PRDM11: variants seen among roughly 807,000 people sequenced by gnomAD.
PRDM11 encodes the protein PR domain-containing protein 11.
A neutral mutation model predicts 97.8 loss-of-function variants in PRDM11; 20 were observed. The observed-to-expected ratio is 0.20, with a 90% CI of 0.14 to 0.30. The LOEUF is 0.30. PRDM11 is among the 10% of genes least tolerant of loss of function. PRDM11 has a pLI of 1.00. For missense variants in PRDM11, 1,139 were observed against 1,555.2 expected, an observed-to-expected ratio of 0.73 and a Z score of 4.50; for synonymous variants, 599 against 637.7, an observed-to-expected ratio of 0.94 and a Z score of 0.91.
intron 1 of PRDM11, among the ~76,000 whole-genome samples, chr11:45,140,019 G>T (rs1019850022): frequency 1.3e-5 from 2 of 152,004 alleles, no homozygotes; most frequent in Non-Finnish European, 2.9e-5. Flanking sequence ...TGCCAAGTAG[G>T]GTCCCTCAGA....
Position 45,207,845 on chromosome 11 carries a change from G to A in PRDM11, c.554+3067G>A, listed in dbSNP as rs144952149. 3.4e-3 allele frequency among the ~76,000 whole-genome samples: 519 copies of A among 152,254 alleles called. 7 individuals are homozygous for A. Among genetic ancestry groups the A allele is most frequent in the African/African-American group, 0.012 (495 of 41,550 alleles). Reference sequence around the variant, plus strand: ...AGGGCTGAAGGATGTTGGTGCCGCCGGCCTTCCCCTCTTGGTTTCAGAAGG... The same window carrying A: ...AGGGCTGAAGGATGTTGGTGCCGCCAGCCTTCCCCTCTTGGTTTCAGAAGG... On this transcript the variant is annotated intron_variant, in intron 5 of 7. Coordinates refer to ENST00000683152, the MANE Select transcript of PRDM11 (RefSeq NM_001384648.1).
chr11:45,101,374 G>A (rs1851972147), intron 1 of PRDM11, among the ~76,000 whole-genome samples: 1 of 152,084 alleles, frequency 6.6e-6, no homozygotes, highest in Admixed American at 6.5e-5. Context: ...TGGCCAACAT[G>A]GTGAAACCCT....
intron 1 of PRDM11, among the ~76,000 whole-genome samples, chr11:45,133,754 TAC>T (rs1852771195): frequency 6.6e-6 from 1 of 152,122 alleles, no homozygotes; most frequent in East Asian, 1.9e-4. Flanking sequence ...AGGCTAGACA[TAC>T]AGTTAGGGAG....
intron 1 of PRDM11, among the ~76,000 whole-genome samples, chr11:45,174,403 G>C (rs1184117431): frequency 1.3e-5 from 2 of 152,160 alleles, no homozygotes; most frequent in Non-Finnish European, 2.9e-5. Context: ...AAAGAACTAG[G>C]AAGATGAATT....
chr11:45,123,896 C>T lies in PRDM11; in HGVS notation c.96+27995C>T, dbSNP rs1477108214. 4.1e-5 allele frequency among the ~76,000 whole-genome samples: 6 copies of T among 147,240 alleles called. No individual in the cohort carries two copies. The East Asian group carries it at 1.2e-3, about 29-fold the overall frequency. On this transcript the variant is annotated intron_variant, in intron 1 of 6. Transcript: ENST00000530656. ...ATTCTGTGAAGAAAGTCATTGGTAG[C>T]TTGATGGGGATGGCATTGAATCTAT...
intron 1 of PRDM11, among the ~76,000 whole-genome samples, chr11:45,165,455 G>T (rs1283625546): frequency 6.6e-6 from 1 of 152,244 alleles, no homozygotes; most frequent in East Asian, 1.9e-4. Flanking sequence ...CTGAGGCTGG[G>T]TTCTCAGGGG....
chr11:45,182,107 G>T, intron 2 of PRDM11, 139 bp from the exon 3 acceptor site: 1 of 782,770 alleles, frequency 1.3e-6, no homozygotes, highest in Non-Finnish European at 2.1e-6. Context: ...CTCCTGCACT[G>T]AACAGCAGGC....
intron 1 of PRDM11, among the ~76,000 whole-genome samples, chr11:45,158,721 G>A (rs562066074): frequency 2.0e-5 from 3 of 152,126 alleles, no homozygotes; most frequent in South Asian, 2.1e-4. Flanking sequence ...CTCAGGCTTC[G>A]TCTTTCTGCT....
intron 1 of PRDM11, among the ~76,000 whole-genome samples, chr11:45,151,434 C>T (rs1159802825): frequency 6.6e-6 from 1 of 152,272 alleles, no homozygotes; most frequent in Non-Finnish European, 1.5e-5. Flanking sequence ...AATGCAGCCA[C>T]ATTGCTGGTG....
chr11:45,213,591 G>A (rs1380801440), intron 5 of PRDM11: 5 of 456,450 alleles, frequency 1.1e-5, no homozygotes, highest in African/African-American at 2.0e-5. Context: ...GCCTTTTTTG[G>A]AGTGGGGAGA....
chr11:45,211,750 C>G (rs549186817), intron 5 of PRDM11, among the ~76,000 whole-genome samples: 4 of 152,044 alleles, frequency 2.6e-5, no homozygotes, highest in Non-Finnish European at 2.9e-5. Flanking sequence ...CCGCAAAGTC[C>G]GTTGTATCAA....
rs140574229 is a variant in PRDM11 at position 45,210,176 on chromosome 11, C to A, written c.554+5398C>A. ...ACTGCTTTGTTCCTCTATTATTACT[C>A]CCCTGCCTGAGCCACGCTGCCTGCC... On this transcript the variant is annotated intron_variant, in intron 5 of 7. Coordinates refer to ENST00000683152, the MANE Select transcript of PRDM11 (RefSeq NM_001384648.1). 7.4e-4 allele frequency among the ~76,000 whole-genome samples: 113 copies of A among 152,338 alleles called. 2 individuals are homozygous for A. In the East Asian group the frequency reaches 0.02, roughly 26 times the overall value.
Position 45,228,148 on chromosome 11 carries a change from C to A in PRDM11, c.3523C>A (p.Pro1175Thr). The change falls in exon 8 of 8, where the codon CCC becomes ACC. Residue 1175 changes from proline (P) to threonine (T), a missense_variant. Pro to Thr is a conservative substitution (Grantham distance 38). Around this residue, in one of 2 missense-constraint regions of PRDM11, gnomAD observed 710 missense variants for 1,044.9 expected, o/e 0.68. Coordinates refer to ENST00000683152, the MANE Select transcript of PRDM11 (RefSeq NM_001384648.1). ...CATGGACCACGGGACGGAGTTTTAC[C>A]CCGACATTTAGGGAGCTGGCGCTGC... ...QTMDHGTEFY[P>T]DI 2 of 1,521,216 alleles carry A rather than the reference C, an allele frequency of 1.3e-6. No individual in the cohort carries two copies. The highest frequency in any genetic ancestry group is 1.8e-6 in the Non-Finnish European group (2 of 1,138,030). The allele number at this position is 1,521,216 out of a possible 1,614,324, so 94.2% of individuals were successfully genotyped here. A position where few individuals can be genotyped will look rare whatever the true frequency, so the allele number is the denominator to read the frequency against.
At chr11:45,206,288 A>G (rs982340968) in intron 5 of PRDM11, among the ~76,000 whole-genome samples, 4 of 152,180 alleles carry the variant, frequency 2.6e-5, no homozygotes, top group African/African-American at 7.2e-5. Flanking sequence ...CCGAGGCACA[A>G]TGTGCTGCAG....
intron 1 of PRDM11, among the ~76,000 whole-genome samples, chr11:45,101,324 G>T (rs567803570): frequency 1.3e-5 from 2 of 152,226 alleles, no homozygotes; most frequent in East Asian, 3.9e-4. Flanking sequence ...TTGGGAGGCC[G>T]AGGTGGGCAG....
intron 1 of PRDM11, among the ~76,000 whole-genome samples, chr11:45,127,404 G>A (rs1032252133): frequency 6.6e-6 from 1 of 152,220 alleles, no homozygotes; most frequent in Admixed American, 6.5e-5. Flanking sequence ...TGGAGGAGGA[G>A]AGGCGCTCTG....
intron 6 of PRDM11, among the ~76,000 whole-genome samples, chr11:45,222,453 A>G (rs562402992): frequency 6.6e-6 from 1 of 152,338 alleles, no homozygotes; most frequent in African/African-American, 2.4e-5. Flanking sequence ...GAGATTTTCA[A>G]TGGGCAAGTG....
chr11:45,122,421 T>C (rs978077853), intron 1 of PRDM11, among the ~76,000 whole-genome samples: 12 of 151,724 alleles, frequency 7.9e-5, no homozygotes, highest in African/African-American at 2.2e-4. Context: ...ACATATGCCA[T>C]GTTGGTGTAC....
intron 1 of PRDM11, among the ~76,000 whole-genome samples, chr11:45,163,477 G>T (rs1851979474): frequency 9.1e-6 from 1 of 109,982 alleles, no homozygotes; most frequent in South Asian, 3.2e-4. Context: ...GTGGGAGCAG[G>T]TGCTTGAGGA....
Sources: allele counts gnomAD v4.1 joint callset (sites outside exome capture counted in the v4.1 genomes callset), GRCh38; gene constraint gnomAD v4.1.1; regional missense constraint gnomAD v4.1.1; transcripts MANE v1.5; gene names NCBI Gene and HGNC (gene_info 2026-07-23, HGNC 2026-07-21).